The following UPRT variants were observed in gnomAD, a reference collection of about 807,000 sequenced individuals.
UPRT encodes the protein uracil phosphoribosyltransferase homolog.
UPRT carries 5 observed loss-of-function variants against 22.6 expected under a neutral mutation model. That is an observed-to-expected ratio of 0.22 (90% CI 0.12 to 0.47). The LOEUF is 0.47. Ranked by LOEUF, UPRT falls within the 20% of genes least tolerant of loss-of-function variation. UPRT has a pLI of 0.99. For missense variants in UPRT, 181 were observed against 239.9 expected (o/e 0.75, Z 1.62); for synonymous variants, 77 against 87.7 (o/e 0.88, Z 0.68).
At chrX:75,169,433 A>AT (rs1282169501) in intron 4 of UPRT, among the ~76,000 whole-genome samples, 21 of 110,691 alleles carry the variant, frequency 1.9e-4, no homozygotes, top group Non-Finnish European at 2.7e-4. Flanking sequence ...AACATCTATT[A>AT]TTTTTTTTGG....
At chrX:75,243,947 C>A in intron 4 of UPRT, among the ~76,000 whole-genome samples, 1 of 111,871 alleles carries the variant, frequency 8.9e-6, no homozygotes, top group South Asian at 3.7e-4. Context: ...GTTGATGCCA[C>A]TTTTCAAATG....
chrX:75,303,146 A>G (rs967468480), intron 6 of UPRT, among the ~76,000 whole-genome samples: 1 of 111,945 alleles, frequency 8.9e-6, no homozygotes, highest in Non-Finnish European at 1.9e-5. Context: ...ATAACTGAAC[A>G]ATTATATTTT....
intron 4 of UPRT, among the ~76,000 whole-genome samples, chrX:75,175,159 T>G (rs2147606299): frequency 9.0e-6 from 1 of 111,498 alleles, no homozygotes; most frequent in South Asian, 3.8e-4. Flanking sequence ...ATTGCGTGAC[T>G]GTGCAGGCAT....
At chrX:75,236,322 T>G (rs1463508506) in intron 4 of UPRT, among the ~76,000 whole-genome samples, 1 of 111,528 alleles carries the variant, frequency 9.0e-6, no homozygotes, top group African/African-American at 3.3e-5. Context: ...TGGAAGAACA[T>G]TCCATGCTCA....
chrX:75,172,947 G>A (rs1285016955), intron 4 of UPRT, among the ~76,000 whole-genome samples: 1 of 111,158 alleles, frequency 9.0e-6, no homozygotes, highest in Non-Finnish European at 1.9e-5. Flanking sequence ...ACCTGAGCGG[G>A]TTGCACTGCT....
At chrX:75,262,262 C>T (rs912152184) in intron 4 of UPRT, among the ~76,000 whole-genome samples, 2 of 111,626 alleles carry the variant, frequency 1.8e-5, no homozygotes, top group Non-Finnish European at 3.8e-5. Flanking sequence ...CCAGACTTGC[C>T]TTACAAGAGC....
chrX:75,225,366 C>CACACACACACACA (rs2082421310), intron 4 of UPRT, among the ~76,000 whole-genome samples: 6 of 107,910 alleles, frequency 5.6e-5, no homozygotes, highest in East Asian at 2.9e-4. Context: ...CACACACACA[C>CACACACACACACA]CCTAGGTGGG....
At chrX:75,215,747 A>T (rs893203369) in intron 4 of UPRT, among the ~76,000 whole-genome samples, 1 of 111,705 alleles carries the variant, frequency 9.0e-6, no homozygotes, top group Admixed American at 9.6e-5. Context: ...TGGTGACAGG[A>T]TCCATACCAC....
intron 4 of UPRT, chrX:75,201,696 G>A: frequency 8.6e-6 from 1 of 116,139 alleles, no homozygotes. Context: ...ACCAATTTTG[G>A]GACAAACTGC....
At chrX:75,162,083 A>T (rs1009471819) in intron 2 of UPRT, among the ~76,000 whole-genome samples, 1 of 99,974 alleles carries the variant, frequency 1.0e-5, no homozygotes, top group Non-Finnish European at 2.0e-5. Flanking sequence ...TTCTAGGTAT[A>T]CCCTAATTTC....
intron 4 of UPRT, among the ~76,000 whole-genome samples, chrX:75,264,570 T>C (rs1411049411): frequency 8.9e-6 from 1 of 111,959 alleles, no homozygotes; most frequent in East Asian, 2.8e-4. Flanking sequence ...GTTTTCCATT[T>C]GCTTGGTAGA....
intron 4 of UPRT, among the ~76,000 whole-genome samples, chrX:75,235,985 T>C (rs1030162635): frequency 1.4e-4 from 16 of 110,724 alleles, no homozygotes; most frequent in Non-Finnish European, 1.3e-4. Context: ...GGGTATTCAA[T>C]TAGGAAAAGA....
chrX:75,286,247 A>G (rs2082679317), intron 1 of UPRT, among the ~76,000 whole-genome samples: 1 of 91,781 alleles, frequency 1.1e-5, no homozygotes, highest in East Asian at 3.4e-4. Context: ...ACAATGAATA[A>G]TTTTTTATGT....
chrX:75,297,778 G>A (rs1195228232), intron 4 of UPRT: 2 of 382,208 alleles, frequency 5.2e-6, no homozygotes, highest in Non-Finnish European at 9.1e-6. Flanking sequence ...GCTCCCATGG[G>A]CAAGCCAGCT....
chrX:75,240,982 A>G (rs1310220030), intron 4 of UPRT, among the ~76,000 whole-genome samples: 1 of 111,817 alleles, frequency 8.9e-6, no homozygotes, highest in Non-Finnish European at 1.9e-5. Flanking sequence ...ATTCTAGAAG[A>G]TAACATCAGA....
chrX:75,227,403 A>T (rs769753768), intron 4 of UPRT, among the ~76,000 whole-genome samples: 11 of 111,706 alleles, frequency 9.8e-5, no homozygotes, highest in Non-Finnish European at 1.7e-4. Context: ...TATTCCACTC[A>T]GGAATCTTCC....
At chrX:75,287,663 T>C (rs1312084292) in intron 1 of UPRT, among the ~76,000 whole-genome samples, 1 of 111,235 alleles carries the variant, frequency 9.0e-6, no homozygotes, top group African/African-American at 3.3e-5. Context: ...TACCAAAATC[T>C]CTGAGATGCA....
chrX:75,187,900 T>C (rs1464059486), intron 4 of UPRT, among the ~76,000 whole-genome samples: 1 of 112,050 alleles, frequency 8.9e-6, no homozygotes, highest in Non-Finnish European at 1.9e-5. Context: ...TTCTCTGTAT[T>C]GGTTATTCTA....
chrX:75,184,372 C>T (rs1470672207), intron 4 of UPRT, among the ~76,000 whole-genome samples: 1 of 108,320 alleles, frequency 9.2e-6, no homozygotes, highest in Non-Finnish European at 1.9e-5. Context: ...TGTTCTGTTC[C>T]ATTGATCTAT....
Sources: gnomAD v4.1 joint callset for allele counts (sites outside exome capture counted in the v4.1 genomes callset) on GRCh38, gnomAD v4.1.1 for gene constraint, MANE v1.5 for transcripts, NCBI Gene and HGNC (gene_info 2026-07-23, HGNC 2026-07-21) for gene names.